Variants in ANHX observed in about 807,000 individuals in gnomAD.
The protein encoded by ANHX is anomalous homeobox protein.
In ANHX, 20 loss-of-function variants were observed where a neutral mutation model predicts 38.9. That is an observed-to-expected ratio of 0.51 (90% CI 0.36 to 0.75). The LOEUF is 0.75. Ranked by LOEUF, ANHX falls within the 30% of genes least tolerant of loss-of-function variation. The pLI is 0.00. For synonymous variants in ANHX, 185 were observed against 203.1 expected (o/e 0.91, Z 0.76); for missense variants, 475 against 493.1 (o/e 0.96, Z 0.35).
At position 133,227,832 on chromosome 12, in the gene ANHX, C is replaced by A; in HGVS notation, c.493G>T (p.Ala165Ser). ...GTATCTTCTATTCTTACCCTCTCAG[C>A]CTTGCTGGGGTTGGTGTTCACCCCC... The part of the protein sequence containing the change: ...AVGVNTNPSK[A>S]ERENLALETS... Residue 165 changes from alanine to serine, a missense_variant, in exon 4 of 10, where the codon GCT becomes TCT. Coordinates refer to ENST00000545940, the MANE Select transcript of ANHX (RefSeq NM_001372060.1). 1 of 1,535,356 alleles carries A rather than the reference C, an allele frequency of 6.5e-7. No homozygotes were observed. The highest frequency in any genetic ancestry group is 8.7e-7 in the Non-Finnish European group (1 of 1,146,568).
intron 1 of ANHX, 147 bp from the exon 2 acceptor site, chr12:133,234,525 G>A (rs935562874): frequency 2.8e-5 from 24 of 868,394 alleles, no homozygotes; most frequent in Non-Finnish European, 3.6e-5. Flanking sequence ...CACACATCCC[G>A]AGAGAGGGCA....
intron 2 of ANHX, among the ~76,000 whole-genome samples, chr12:133,233,627 A>T (rs527897350): frequency 6.6e-6 from 1 of 152,350 alleles, no homozygotes; most frequent in East Asian, 1.9e-4. Context: ...AATAAACACT[A>T]TAAATAGCTT....
Position 133,221,335 on chromosome 12 carries a change from TG to T in ANHX, c.1149del (p.Ser384AlafsTer29), listed in dbSNP as rs768832482. On this transcript the variant is annotated frameshift_variant, in exon 8 of 10. Transcript: ENST00000545940. LOFTEE classifies it high-confidence loss of function. The surrounding 1 kb of genome is among the most constrained non-coding windows in gnomAD (Gnocchi z 4.1). ...AATTGCACGCTCTGGGGATGGCCGCTGGGGGGGCCAGAAAACCCTGCATGTA... is the reference window on the plus strand; with the variant it reads ...AATTGCACGCTCTGGGGATGGCCGCTGGGGGGCCAGAAAACCCTGCATGTA... ...DPSPTGFSGP[P>X]SGHPQSVQLE... 302 of 1,535,082 alleles carry T rather than the reference TG, an allele frequency of 2.0e-4. No individual in the cohort carries two copies. The highest frequency in any genetic ancestry group is 2.5e-4 in the Non-Finnish European group (291 of 1,146,572).
At chr12:133,228,387 C>T (rs150933792) in intron 3 of ANHX, among the ~76,000 whole-genome samples, 2 of 152,276 alleles carry the variant, frequency 1.3e-5, no homozygotes, top group Non-Finnish European at 2.9e-5. Context: ...GACCTGGCTG[C>T]CACCCTGGGT....
rs780403556 is a variant in ANHX at position 133,231,597 on chromosome 12, G to A, written c.297C>T (p.Asn99=). ...GGSQELVQLW[N]DIHYRLVMRR... ...TCATGACCAGACGGTAGTGGATGTC[G>A]TTCCAGAGCTGCACTAACTCCTGGC... is the stretch of plus-strand genomic sequence containing the variant. The change falls in exon 3 of 10, where the codon AAC becomes AAT. Residue 99 remains asparagine, a synonymous_variant. Transcript: ENST00000545940. 88 of 1,535,954 alleles carry A rather than the reference G, an allele frequency of 5.7e-5. No homozygotes were observed. Among genetic ancestry groups the A allele is most frequent in the Admixed American group, 3.7e-4 (19 of 50,988 alleles).
chr12:133,226,858 G>C lies in ANHX; in HGVS notation c.718+78C>G, dbSNP rs1957196226. ...TGGAGGAGGGCTACCCCTGTAAGCA[G>C]TGTGACTACCTAGGCCTGGCCCTTG... On this transcript the variant is annotated intron_variant, in intron 5 of 9. Coordinates refer to ENST00000545940, the MANE Select transcript of ANHX (RefSeq NM_001372060.1). 3.0e-6 allele frequency: 4 copies of C among 1,329,370 alleles called. No homozygotes were observed. In the Admixed American group the frequency reaches 8.3e-5, roughly 27 times the overall value. The allele number at this position is 1,329,370 out of a possible 1,614,324, so 82.3% of individuals were successfully genotyped here.
intron 2 of ANHX, among the ~76,000 whole-genome samples, chr12:133,233,679 T>C (rs950406961): frequency 2.6e-5 from 4 of 152,126 alleles, no homozygotes; most frequent in African/African-American, 9.7e-5. Flanking sequence ...TGCGTTGAGG[T>C]TGAAGGTACC....
At chr12:133,228,688 G>A (rs185063314) in intron 3 of ANHX, among the ~76,000 whole-genome samples, 2 of 152,310 alleles carry the variant, frequency 1.3e-5, no homozygotes, top group African/African-American at 4.8e-5. Context: ...CTGGTGAGGG[G>A]AGGCTCCAGC....
At position 133,224,901 on chromosome 12, in the gene ANHX, A is replaced by G. The variant is rs554078647; in HGVS notation, c.1132+635T>C. 1.2e-4 allele frequency among the ~76,000 whole-genome samples: 17 copies of G among 143,936 alleles called. No individual in the cohort carries two copies. The East Asian group carries it at 2.2e-3, about 18-fold the overall frequency. The allele number at this position is 143,936 out of a possible 152,430, so 94.4% of individuals were successfully genotyped here. A position where few individuals can be genotyped will look rare whatever the true frequency, so the allele number is the denominator to read the frequency against. On this transcript the variant is annotated intron_variant, in intron 7 of 9. Transcript: ENST00000545940. ...AGAATGGCGTGAACCTGGGAGGAGG[A>G]GGTTGCAGTGAGCCGAGATCACGCC...
chr12:133,228,342 C>A (rs1957219661), intron 3 of ANHX, among the ~76,000 whole-genome samples: 1 of 152,132 alleles, frequency 6.6e-6, no homozygotes, highest in Non-Finnish European at 1.5e-5. Flanking sequence ...CCGTGGATGG[C>A]CCTCCTGGAC....
intron 8 of ANHX, among the ~76,000 whole-genome samples, chr12:133,219,860 G>T (rs1460791766): frequency 6.6e-6 from 1 of 152,132 alleles, no homozygotes; most frequent in Admixed American, 6.5e-5. Context: ...CCATCCACAG[G>T]ACAAGGGTGA....
At chr12:133,230,913 A>T (rs1409889028) in intron 3 of ANHX, among the ~76,000 whole-genome samples, 1 of 152,116 alleles carries the variant, frequency 6.6e-6, no homozygotes, top group African/African-American at 2.4e-5. Context: ...ATTACTAGTA[A>T]CATTTATTTA....
intron 1 of ANHX, chr12:133,235,579 C>G (rs1339160150): frequency 6.6e-6 from 1 of 151,624 alleles, no homozygotes; most frequent in African/African-American, 2.4e-5. Context: ...ACCCCGGCCC[C>G]CGCACCCCTC....
chr12:133,218,783 T>C lies in ANHX; in HGVS notation c.*102A>G, dbSNP rs1360007503. On this transcript the variant is annotated 3_prime_UTR_variant, in exon 10 of 10. Transcript: ENST00000545940. ...AGCCCCCAGGGGAACTCTGGGGACC[T>C]TCATTTTGTATTCAGGATAAAGCTC... 17 of 862,672 alleles carry C rather than the reference T, an allele frequency of 2.0e-5. No individual in the cohort carries two copies. The highest frequency in any genetic ancestry group is 2.6e-5 in the Non-Finnish European group (16 of 620,300). 53.4% of individuals were successfully genotyped at this position (862,672 alleles called of 1,614,324 possible).
rs1024251396 is a variant in ANHX, at chr12:133,218,572, T to C, written c.*313A>G. 9.2e-5 allele frequency: 20 copies of C among 216,272 alleles called. No homozygotes were observed. Among genetic ancestry groups the C allele is most frequent in the African/African-American group, 4.3e-4 (19 of 43,862 alleles). The allele number at this position is 216,272 out of a possible 1,614,324, so 13.4% of individuals were successfully genotyped here. A position where few individuals can be genotyped will look rare whatever the true frequency, so the allele number is the denominator to read the frequency against. ...GGCAGCCAGCAGCAGAACACTCCCC[T>C]CTCTAGAATGGCCTTCTCTGCACGA... On this transcript the variant is annotated 3_prime_UTR_variant, in exon 10 of 10. Transcript: ENST00000545940.
chr12:133,234,464 G>A, intron 1 of ANHX, 86 bp from the exon 2 acceptor site: 1 of 1,426,390 alleles, frequency 7.0e-7, no homozygotes, highest in South Asian at 1.4e-5. Flanking sequence ...TGCAAAGCAG[G>A]TGATGCACGG....
At chr12:133,220,720 T>C (rs1302919043) in intron 8 of ANHX, among the ~76,000 whole-genome samples, 1 of 151,952 alleles carries the variant, frequency 6.6e-6, no homozygotes, top group Non-Finnish European at 1.5e-5. Flanking sequence ...CAGTCCTCCA[T>C]CCCTCCTGTC....
chr12:133,220,665 G>A (rs979936278), intron 8 of ANHX, among the ~76,000 whole-genome samples: 8 of 152,050 alleles, frequency 5.3e-5, no homozygotes, highest in African/African-American at 1.7e-4. Flanking sequence ...CAGGAGTGGC[G>A]GGTGCGATAG....
intron 7 of ANHX, among the ~76,000 whole-genome samples, chr12:133,225,170 G>C (rs1322297518): frequency 6.6e-6 from 1 of 152,014 alleles, no homozygotes; most frequent in African/African-American, 2.4e-5. Flanking sequence ...TACAGGCTAA[G>C]GGGGGTGGAC....
Sources: allele counts gnomAD v4.1 joint callset (sites outside exome capture counted in the v4.1 genomes callset), GRCh38; gene constraint gnomAD v4.1.1; non-coding constraint Gnocchi (gnomAD v3.1); transcripts MANE v1.5; gene names NCBI Gene and HGNC (gene_info 2026-07-23, HGNC 2026-07-21).